Variants in RFX8 observed in about 807,000 individuals in gnomAD.
RFX8 encodes regulatory factor X8.
RFX8 carries 46 observed loss-of-function variants against 54.6 expected under a neutral mutation model. That is an observed-to-expected ratio of 0.84 (90% confidence interval 0.67 to 1.08). The LOEUF (loss-of-function observed/expected upper bound fraction) is 1.08, where lower values mean the gene tolerates loss of function less well. Among genes scored for constraint, RFX8 ranks in the 50% least tolerant of loss-of-function variants. RFX8 has a pLI of 0.00. For missense variants in RFX8, 536 were observed against 562.3 expected, an observed-to-expected ratio of 0.95 and a Z score of 0.47; for synonymous variants, 192 against 209.5, an observed-to-expected ratio of 0.92 and a Z score of 0.72.
At chr2:101,413,237 G>A (rs927112028) in intron 7 of RFX8, among the ~76,000 whole-genome samples, 166 bp from the exon 8 acceptor site, 1 of 152,194 alleles carries the variant, frequency 6.6e-6, no homozygotes, top group African/African-American at 2.4e-5. Context: ...GGTTAAAATT[G>A]CACACATTCT....
intron 2 of RFX8, chr2:101,435,120 A>T (rs1687704538): frequency 6.6e-6 from 1 of 152,360 alleles, no homozygotes; most frequent in South Asian, 2.1e-4. Context: ...CGCCGTCTGC[A>T]CAGCCGCTGT....
chr2:101,443,301 A>G (rs1245959523), intron 2 of RFX8, among the ~76,000 whole-genome samples: 1 of 152,144 alleles, frequency 6.6e-6, no homozygotes, highest in African/African-American at 2.4e-5. Flanking sequence ...AGTTGTGCTT[A>G]GTGTGGAGGG....
chr2:101,407,684 T>G (rs1216873100), intron 9 of RFX8, among the ~76,000 whole-genome samples: 2 of 151,054 alleles, frequency 1.3e-5, no homozygotes. Context: ...AGAGCAAGAC[T>G]CCATCTCAAT....
rs917033117 is a variant in RFX8 at position 101,414,743 on chromosome 2, T to G, written c.561+111A>C. On this transcript the variant is annotated intron_variant, in intron 7 of 11. Coordinates refer to ENST00000428343, the MANE Select transcript of RFX8 (RefSeq NM_001145664.2). ...CCAGGCAAGGCCACCCTGCCTGCCC[T>G]CTGCCCTCCAGATGGACAGAGCAAC... 17 of 809,202 alleles carry G rather than the reference T, an allele frequency of 2.1e-5. No homozygotes were observed. In the African/African-American group the frequency reaches 2.7e-4, roughly 13 times the overall value. The allele number at this position is 809,202 out of a possible 1,614,324, so 50.1% of individuals were successfully genotyped here.
intron 8 of RFX8, 38 bp from the exon 9 acceptor site, chr2:101,410,751 G>T: frequency 9.6e-7 from 1 of 1,039,602 alleles, no homozygotes. Context: ...AAGATTGCAT[G>T]CAGCAGAGCA....
At chr2:101,408,653 A>C (rs1381038801) in intron 9 of RFX8, among the ~76,000 whole-genome samples, 1 of 152,216 alleles carries the variant, frequency 6.6e-6, no homozygotes, top group East Asian at 1.9e-4. Context: ...TGTTAAAAAT[A>C]AGCTTTGCCT....
intron 2 of RFX8, among the ~76,000 whole-genome samples, chr2:101,435,832 T>A (rs112658109): frequency 1.3e-5 from 2 of 151,860 alleles, no homozygotes; most frequent in Admixed American, 6.6e-5. Flanking sequence ...CATTTTCATT[T>A]AAAAAAATAG....
At chr2:101,428,887 C>A in intron 2 of RFX8, 4 of 944,738 alleles carry the variant, frequency 4.2e-6, no homozygotes, top group Non-Finnish European at 6.6e-6. Context: ...ACAGCTGGAT[C>A]GAATTAAGCA....
At chr2:101,428,223 G>T (rs1687292597) in intron 2 of RFX8, among the ~76,000 whole-genome samples, 1 of 152,052 alleles carries the variant, frequency 6.6e-6, no homozygotes. Flanking sequence ...AACCAGCCTG[G>T]GCAACAAAAC....
chr2:101,406,283 G>A (rs116723644), intron 9 of RFX8, among the ~76,000 whole-genome samples: 1,839 of 151,820 alleles, frequency 0.012, 46 homozygotes, highest in African/African-American at 0.042. Flanking sequence ...TTGGTGGAGA[G>A]AAGGAGGGAG....
chr2:101,403,348 CA>C (rs1434951076), intron 10 of RFX8, among the ~76,000 whole-genome samples: 1 of 152,180 alleles, frequency 6.6e-6, no homozygotes, highest in Non-Finnish European at 1.5e-5. Context: ...CTGAATGCTC[CA>C]AATCCCAAGG....
At chr2:101,431,536 A>T (rs1378414271) in intron 2 of RFX8, among the ~76,000 whole-genome samples, 1 of 152,202 alleles carries the variant, frequency 6.6e-6, no homozygotes, top group East Asian at 1.9e-4. Flanking sequence ...TTGAATGGTG[A>T]CATTGATCCT....
intron 2 of RFX8, among the ~76,000 whole-genome samples, chr2:101,422,980 G>A (rs562955961): frequency 2.0e-5 from 3 of 152,236 alleles, no homozygotes; most frequent in South Asian, 2.1e-4. Context: ...TTACAGGCCC[G>A]GGCATGGTGG....
intron 2 of RFX8, among the ~76,000 whole-genome samples, chr2:101,434,599 G>A (rs1319910824): frequency 1.3e-5 from 2 of 152,172 alleles, no homozygotes; most frequent in African/African-American, 2.4e-5. Context: ...GCAAGTGAGC[G>A]ATAAAATGAT....
rs545311764 is a variant in RFX8 at position 101,453,303 on chromosome 2, A to AG, written c.72+13473dup. ...AAAAAAAATAAATAAATAAAAAGAG[A>AG]GAAAAAAAGAAAACATATCACTTGG... On this transcript the variant is annotated intron_variant, in intron 2 of 11. Transcript: ENST00000428343. Among the ~76,000 whole-genome samples the AG allele has an allele frequency of 7.5e-4, 113 of 150,320 alleles. 1 individual carries two copies. The highest frequency in any genetic ancestry group is 2.3e-3 in the African/African-American group (94 of 40,746).
At chr2:101,456,717 T>C (rs1204209063) in intron 2 of RFX8, among the ~76,000 whole-genome samples, 1 of 152,194 alleles carries the variant, frequency 6.6e-6, no homozygotes, top group Admixed American at 6.6e-5. Context: ...ATCAGGATGA[T>C]GATGGCCTCA....
intron 1 of RFX8, among the ~76,000 whole-genome samples, chr2:101,469,871 C>T (rs1313437930): frequency 2.6e-5 from 4 of 152,106 alleles, no homozygotes; most frequent in African/African-American, 9.7e-5. Flanking sequence ...CTATGCCACA[C>T]ATGGAAAGAA....
intron 1 of RFX8, among the ~76,000 whole-genome samples, chr2:101,472,173 T>A (rs1414807334): frequency 6.6e-6 from 1 of 152,184 alleles, no homozygotes; most frequent in Non-Finnish European, 1.5e-5. Flanking sequence ...CAATCTTGGT[T>A]CACTACAACC....
At position 101,412,936 on chromosome 2, in the gene RFX8, C is replaced by T. The variant is rs553051836; in HGVS notation, c.697G>A (p.Glu233Lys). Residue 233 changes from glutamate to lysine, a missense_variant, in exon 8 of 12, where the codon GAG becomes AAG. Transcript: ENST00000428343. ...ASDRSGADEL[E>K]NNPEMKCLRN... ...TTACATTTCATCTCTGGGTTGTTCT[C>T]CAGTTCATCTGCGCCACTCCGGTCA... is the stretch of plus-strand genomic sequence containing the variant. The T allele has an allele frequency of 1.5e-5, 23 of 1,550,970 alleles. No homozygotes were observed. In the East Asian group the frequency reaches 4.9e-4, roughly 33 times the overall value.
Sources: allele counts gnomAD v4.1 joint callset (sites outside exome capture counted in the v4.1 genomes callset), GRCh38; gene constraint gnomAD v4.1.1; transcripts MANE v1.5; gene names NCBI Gene and HGNC (gene_info 2026-07-23, HGNC 2026-07-21).